Variants in RBFOX1 observed in about 807,000 individuals in gnomAD.
RBFOX1 encodes the protein RNA binding fox-1 homolog 1, also known as RNA binding protein fox-1 homolog 1.
A neutral mutation model predicts 57.7 loss-of-function variants in RBFOX1; 8 were observed. The ratio of observed to expected loss-of-function variants is 0.14; its 90% confidence interval spans 0.08 to 0.25. The LOEUF (loss-of-function observed/expected upper bound fraction) is 0.25. RBFOX1 is among the 10% of genes least tolerant of loss of function. The pLI is 1.00. For synonymous variants in RBFOX1, 326 were observed against 222.4 expected (o/e 1.47, Z -4.15); for missense variants, 611 against 548.5 (o/e 1.11, Z -1.14).
intron 3 of RBFOX1, among the ~76,000 whole-genome samples, chr16:6,939,545 C>G (rs1597820273): frequency 7.2e-6 from 1 of 138,276 alleles, no homozygotes. Context: ...GTGTCTTGTT[C>G]TGTCATGCAG....
chr16:5,907,712 G>T (rs1472662239), intron 4 of RBFOX1, among the ~76,000 whole-genome samples: 3 of 143,786 alleles, frequency 2.1e-5, no homozygotes, highest in Non-Finnish European at 4.5e-5. Context: ...CGAACTCAAG[G>T]AGACTATTTA....
At chr16:5,681,761 A>C (rs2050347079) in intron 3 of RBFOX1, among the ~76,000 whole-genome samples, 1 of 152,150 alleles carries the variant, frequency 6.6e-6, no homozygotes, top group Non-Finnish European at 1.5e-5. Context: ...GGGATATTTC[A>C]GGCATTTTTA....
intron 4 of RBFOX1, among the ~76,000 whole-genome samples, chr16:7,499,459 A>C (rs1332066444): frequency 6.6e-6 from 1 of 151,160 alleles, no homozygotes; most frequent in Non-Finnish European, 1.5e-5. Context: ...CTGGGACTTT[A>C]GTATTGGAAT....
rs141016258 is a variant in RBFOX1 at position 6,708,941 on chromosome 16, G to A, written c.-16+54291G>A. Reference sequence around the variant, plus strand: ...CAACAGCTTAAGCCAACATCATAGTGGCCTAGTAGCGGTGGCTGGTTAATT... The same window carrying A: ...CAACAGCTTAAGCCAACATCATAGTAGCCTAGTAGCGGTGGCTGGTTAATT... On this transcript the variant is annotated intron_variant, in intron 3 of 15. Transcript: ENST00000550418. Among the ~76,000 whole-genome samples the A allele has an allele frequency of 2.2e-4, 34 of 151,760 alleles. 1 individual carries two copies. The highest frequency in any genetic ancestry group is 8.0e-4 in the African/African-American group (33 of 41,398).
chr16:7,684,530 T>C (rs1382914617), intron 14 of RBFOX1, among the ~76,000 whole-genome samples: 1 of 152,072 alleles, frequency 6.6e-6, no homozygotes, highest in Non-Finnish European at 1.5e-5. Flanking sequence ...ATCATTTAGA[T>C]TGAAATGCTT....
At chr16:6,112,953 C>A (rs1052132108) in intron 1 of RBFOX1, among the ~76,000 whole-genome samples, 7 of 152,112 alleles carry the variant, frequency 4.6e-5, no homozygotes, top group African/African-American at 1.7e-4. Flanking sequence ...TTCATTTGGG[C>A]CTAGAAATGG....
chr16:7,624,671 C>G (rs2059813055), intron 10 of RBFOX1, among the ~76,000 whole-genome samples: 1 of 152,198 alleles, frequency 6.6e-6, no homozygotes, highest in African/African-American at 2.4e-5. Context: ...TTGTGCTACT[C>G]AGACATTGCC....
chr16:7,390,505 A>T (rs1289564351), intron 4 of RBFOX1, among the ~76,000 whole-genome samples: 1 of 152,218 alleles, frequency 6.6e-6, no homozygotes, highest in Non-Finnish European at 1.5e-5. Context: ...TCAAAAGAAT[A>T]CCTTCTTCAC....
At chr16:6,236,817 G>A (rs1015368610) in intron 1 of RBFOX1, among the ~76,000 whole-genome samples, 3 of 152,146 alleles carry the variant, frequency 2.0e-5, no homozygotes, top group Middle Eastern at 3.4e-3. Context: ...AAATGTATCC[G>A]TAAGAGCAAC....
intron 1 of RBFOX1, among the ~76,000 whole-genome samples, chr16:5,382,042 A>T (rs1018606575): frequency 6.6e-6 from 1 of 152,230 alleles, no homozygotes; most frequent in Admixed American, 6.5e-5. Flanking sequence ...GTCTCCAGAC[A>T]TTGCCAGATG....
intron 3 of RBFOX1, among the ~76,000 whole-genome samples, chr16:6,724,229 G>C (rs1165490063): frequency 7.6e-6 from 1 of 132,272 alleles, no homozygotes; most frequent in Non-Finnish European, 1.6e-5. Context: ...TTTTTTTTGA[G>C]TTGGAGTTTC....
chr16:6,752,191 G>A (rs918857991), intron 3 of RBFOX1, among the ~76,000 whole-genome samples: 3 of 152,134 alleles, frequency 2.0e-5, no homozygotes, highest in Non-Finnish European at 1.5e-5. Flanking sequence ...CTTGTAGCAT[G>A]TGCTGGCTTT....
intron 2 of RBFOX1, among the ~76,000 whole-genome samples, chr16:5,500,436 T>G (rs546373131): frequency 6.6e-6 from 1 of 152,152 alleles, no homozygotes; most frequent in South Asian, 2.1e-4. Context: ...TTGCCCAGGC[T>G]GTCTTGAACT....
rs2048397643 is a variant in RBFOX1 at position 5,628,111 on chromosome 16, A to G, written c.318+29150A>G. Reference sequence around the variant, plus strand: ...GCCCACCCCACCCCAATTAGTAAAAATGTTGTACAGTTAGAGTTTTGGTGC... The same window carrying G: ...GCCCACCCCACCCCAATTAGTAAAAGTGTTGTACAGTTAGAGTTTTGGTGC... On this transcript the variant is annotated intron_variant, in intron 3 of 19. Transcript: ENST00000641259. Among the ~76,000 whole-genome samples, 3 of 152,166 alleles carry G rather than the reference A, an allele frequency of 2.0e-5. No homozygotes were observed. In the South Asian group the frequency reaches 6.2e-4, roughly 32 times the overall value.
At chr16:6,846,783 T>C (rs982218456) in intron 3 of RBFOX1, among the ~76,000 whole-genome samples, 13 of 152,186 alleles carry the variant, frequency 8.5e-5, no homozygotes, top group Admixed American at 8.5e-4. Context: ...ATGGCCACTT[T>C]CTTATTTTTT....
At chr16:7,197,049 CA>C (rs2086878919) in intron 4 of RBFOX1, among the ~76,000 whole-genome samples, 1 of 152,168 alleles carries the variant, frequency 6.6e-6, no homozygotes, top group African/African-American at 2.4e-5. Context: ...ATCTTTCAGC[CA>C]GTTGCTCCTT....
intron 15 of RBFOX1, chr16:7,710,421 A>C: frequency 1.4e-6 from 2 of 1,395,554 alleles, no homozygotes; most frequent in East Asian, 2.8e-5. Context: ...TTGGTTTTGC[A>C]GGGAATTTCT....
chr16:5,870,077 T>C (rs1458411558), intron 4 of RBFOX1, among the ~76,000 whole-genome samples: 1 of 151,108 alleles, frequency 6.6e-6, no homozygotes, highest in Non-Finnish European at 1.5e-5. Flanking sequence ...AACAAAAGAA[T>C]GTACCCTCCA....
intron 1 of RBFOX1, among the ~76,000 whole-genome samples, chr16:5,311,418 T>C (rs2064086240): frequency 6.6e-6 from 1 of 152,200 alleles, no homozygotes; most frequent in Non-Finnish European, 1.5e-5. Flanking sequence ...GGGTACCCAG[T>C]AGTGGGATTG....
Sources: gnomAD v4.1 joint callset for allele counts (sites outside exome capture counted in the v4.1 genomes callset) on GRCh38, gnomAD v4.1.1 for gene constraint, MANE v1.5 for transcripts, NCBI Gene and HGNC (gene_info 2026-07-23, HGNC 2026-07-21) for gene names.